The following DAB2IP variants were observed in gnomAD, a reference collection of about 807,000 sequenced individuals.
The protein encoded by DAB2IP is DAB2 interacting protein.
In DAB2IP, 28 loss-of-function variants were observed where a neutral mutation model predicts 107.2. The ratio of observed to expected loss-of-function variants is 0.26; its 90% CI spans 0.19 to 0.36. The LOEUF (loss-of-function observed/expected upper bound fraction) is 0.36. Ranked by LOEUF, DAB2IP falls within the 10% of genes least tolerant of loss-of-function variation. The pLI is 1.00. For missense variants in DAB2IP, 1,400 were observed against 1,644.7 expected (o/e 0.85, Z 2.57); for synonymous variants, 755 against 706.4 (o/e 1.07, Z -1.09).
intron 3 of DAB2IP, among the ~76,000 whole-genome samples, chr9:121,753,298 G>A (rs1209996480): frequency 6.6e-6 from 1 of 152,176 alleles, no homozygotes; most frequent in South Asian, 2.1e-4. Context: ...GCCCTCCTTG[G>A]TGCCACCTCG....
At chr9:121,600,960 T>C (rs1189103024) in intron 1 of DAB2IP, among the ~76,000 whole-genome samples, 1 of 152,152 alleles carries the variant, frequency 6.6e-6, no homozygotes, top group Non-Finnish European at 1.5e-5. Context: ...TCCTTGTGCC[T>C]CAGTTTCCTC....
intron 1 of DAB2IP, among the ~76,000 whole-genome samples, chr9:121,583,021 A>G (rs1456482768): frequency 6.6e-6 from 1 of 152,254 alleles, no homozygotes; most frequent in Non-Finnish European, 1.5e-5. Context: ...ACCAGCGAGC[A>G]TTTGTTGAAA....
In DAB2IP at chr9:121,698,357, G is replaced by A. The variant is rs1463431474; in HGVS notation, c.229-968G>A. Among the ~76,000 whole-genome samples the A allele has an allele frequency of 6.6e-6, 1 of 152,190 alleles. No homozygotes were observed. The highest frequency in any genetic ancestry group is 1.5e-5 in the Non-Finnish European group (1 of 68,038). The stretch of plus-strand genomic sequence containing the variant: ...ACATCTATCCCGTCACCTGTAAAGG[G>A]AAGATTGGTTTGACCTGTGTGTATT... On this transcript the variant is annotated intron_variant, in intron 2 of 15. Coordinates refer to ENST00000408936, the Ensembl canonical transcript of DAB2IP. This position sits in a 1 kb window ranked among gnomAD's most constrained non-coding sequence, Gnocchi z 4.1.
At position 121,760,528 on chromosome 9, in the gene DAB2IP, A is replaced by G. The variant is rs1833812638; in HGVS notation, c.1170+89A>G. The G allele has an allele frequency of 5.0e-6, 7 of 1,411,386 alleles. No individual in the cohort carries two copies. Among genetic ancestry groups the G allele is most frequent in the Non-Finnish European group, 6.5e-6 (7 of 1,070,052 alleles). 87.4% of individuals were successfully genotyped at this position (1,411,386 alleles called of 1,614,324 possible). A position where few individuals can be genotyped will look rare whatever the true frequency, so the allele number is the denominator to read the frequency against. On this transcript the variant is annotated intron_variant, in intron 6 of 15. Transcript: ENST00000408936. The surrounding 1 kb of genome is among the most constrained non-coding windows in gnomAD (Gnocchi z 5.9). ...CTCACATCCGTACATTTCAGGCCTA[A>G]CAGAGGCCTTGGAGGCACCGGTCAC...
chr9:121,657,897 C>T lies in DAB2IP; in HGVS notation c.124+5998C>T, dbSNP rs571612508. Among the ~76,000 whole-genome samples the T allele has an allele frequency of 2.1e-4, 32 of 152,298 alleles. 1 individual carries two copies. The East Asian group carries it at 5.6e-3, about 27-fold the overall frequency. On this transcript the variant is annotated intron_variant, in intron 1 of 15. Transcript: ENST00000408936. ...CCAGTACCAGGAGCCAACTGTTTCC[C>T]TTGACAACTGGGGAAACTGAGGCCC...
chr9:121,673,085 A>G (rs1331370544), intron 1 of DAB2IP, among the ~76,000 whole-genome samples: 1 of 152,186 alleles, frequency 6.6e-6, no homozygotes, highest in African/African-American at 2.4e-5. Context: ...ACTTGGTTCC[A>G]AGGACTGGAG....
exon 12 of DAB2IP, chr9:121,773,079 T>C: frequency 6.2e-7 from 1 of 1,612,556 alleles, no homozygotes; most frequent in Non-Finnish European, 8.5e-7. Flanking sequence ...CGACTCAGGC[T>C]CTGAGGGCCA....
chr9:121,665,593 T>C (rs1833384633), intron 1 of DAB2IP, among the ~76,000 whole-genome samples: 1 of 152,204 alleles, frequency 6.6e-6, no homozygotes, highest in African/African-American at 2.4e-5. Flanking sequence ...GTGGAGTGAC[T>C]GTATGAAAGG....
chr9:121,760,021 C>T lies in DAB2IP; in HGVS notation c.752C>T (p.Thr251Met), dbSNP rs745448536. ...GCCCGCACCACGGGCAAGCTCAAGACGGACAATGTTTTCTGGGGCGAGCAC... is the reference window on the plus strand; with the variant it reads ...GCCCGCACCACGGGCAAGCTCAAGATGGACAATGTTTTCTGGGGCGAGCAC... Residue 251 changes from threonine (T) to methionine (M), a missense_variant, in exon 6 of 16, where the codon ACG becomes ATG. By Grantham distance (81) the Thr-to-Met change is moderately conservative (BLOSUM62 -1). Around this residue, in one of 3 missense-constraint regions of DAB2IP, gnomAD observed 517 missense variants for 748.6 expected, o/e 0.69. Coordinates refer to ENST00000408936, the Ensembl canonical transcript of DAB2IP. This position sits in a 1 kb window ranked among gnomAD's most constrained non-coding sequence, Gnocchi z 5.9. 62 of 1,614,006 alleles carry T rather than the reference C, an allele frequency of 3.8e-5. No individual in the cohort carries two copies. The highest frequency in any genetic ancestry group is 4.7e-5 in the Non-Finnish European group (55 of 1,180,042).
At chr9:121,711,937 C>G (rs1830355922) in intron 3 of DAB2IP, among the ~76,000 whole-genome samples, 1 of 152,238 alleles carries the variant, frequency 6.6e-6, no homozygotes, top group African/African-American at 2.4e-5. Context: ...TCTAGACTCC[C>G]TCTGCAGAAG....
chr9:121,781,960 C>T (rs1463241289), intron 15 of DAB2IP, among the ~76,000 whole-genome samples: 1 of 152,190 alleles, frequency 6.6e-6, no homozygotes, highest in Non-Finnish European at 1.5e-5. Flanking sequence ...TTACTCAGGG[C>T]TGCACCGCTT....
chr9:121,588,742 T>G (rs1830363633), intron 1 of DAB2IP, among the ~76,000 whole-genome samples: 1 of 151,808 alleles, frequency 6.6e-6, no homozygotes, highest in African/African-American at 2.4e-5. Flanking sequence ...GGATGCCCCT[T>G]CAGAGTCATC....
chr9:121,759,043 C>T, intron 5 of DAB2IP, 47 bp downstream of exon 5: 2 of 1,555,314 alleles, frequency 1.3e-6, no homozygotes, highest in Non-Finnish European at 1.8e-6. Context: ...TGAAGGTAGG[C>T]TCAGATAGGA....
At chr9:121,700,855 GCC>G (rs1829737942) in intron 3 of DAB2IP, among the ~76,000 whole-genome samples, 1 of 152,152 alleles carries the variant, frequency 6.6e-6, no homozygotes, top group Admixed American at 6.5e-5. Context: ...TTCTCTGATG[GCC>G]CTGGTGCCCC....
intron 2 of DAB2IP, among the ~76,000 whole-genome samples, chr9:121,683,732 A>T (rs1486647864): frequency 2.0e-5 from 3 of 152,192 alleles, no homozygotes; most frequent in African/African-American, 7.2e-5. Context: ...GGATGCTGTG[A>T]CAGAACAAGG....
chr9:121,754,817 C>G (rs972738846), intron 3 of DAB2IP, among the ~76,000 whole-genome samples: 1 of 152,092 alleles, frequency 6.6e-6, no homozygotes, highest in South Asian at 2.1e-4. Context: ...AAGCATGCCT[C>G]GCCTCTCCTC....
intron 1 of DAB2IP, among the ~76,000 whole-genome samples, chr9:121,670,967 A>G (rs1220889565): frequency 6.6e-6 from 1 of 152,126 alleles, no homozygotes; most frequent in African/African-American, 2.4e-5. Flanking sequence ...CCTGGCCAAC[A>G]TGGTGAAACC....
At position 121,684,601 on chromosome 9, in the gene DAB2IP, G is replaced by C. The variant is rs1828767140; in HGVS notation, c.228+5820G>C. On this transcript the variant is annotated intron_variant, in intron 2 of 15. Coordinates refer to ENST00000408936, the Ensembl canonical transcript of DAB2IP. The surrounding 1 kb of genome is among the most constrained non-coding windows in gnomAD (Gnocchi z 4.0). The stretch of plus-strand genomic sequence containing the variant: ...TGTAGAGGGACCCGAAGTTTGGGCT[G>C]CGGGCTGCCTGAAGGAGGAATGCAT... 6.6e-6 allele frequency among the ~76,000 whole-genome samples: 1 copy of C among 152,206 alleles called. No individual in the cohort carries two copies. Among genetic ancestry groups the C allele is most frequent in the Non-Finnish European group, 1.5e-5 (1 of 68,030 alleles).
chr9:121,697,123 T>C (rs1829467189), intron 2 of DAB2IP, among the ~76,000 whole-genome samples: 1 of 151,862 alleles, frequency 6.6e-6, no homozygotes, highest in Non-Finnish European at 1.5e-5. Flanking sequence ...GAACATTAAG[T>C]AGAGTCACAG....
Sources: allele counts gnomAD v4.1 joint callset (sites outside exome capture counted in the v4.1 genomes callset), GRCh38; gene constraint gnomAD v4.1.1; regional missense constraint gnomAD v4.1.1; non-coding constraint Gnocchi (gnomAD v3.1); transcripts MANE v1.5; gene names NCBI Gene and HGNC (gene_info 2026-07-23, HGNC 2026-07-21).